Variants in KANK1 observed in about 807,000 individuals in gnomAD.
KANK1 encodes KN motif and ankyrin repeat domain-containing protein 1.
A neutral mutation model predicts 106.2 loss-of-function variants in KANK1; 109 were observed. The observed-to-expected ratio is 1.03, with a 90% CI of 0.88 to 1.20. The LOEUF (loss-of-function observed/expected upper bound fraction) is 1.20, where lower values mean the gene tolerates loss of function less well. Among genes scored for constraint, KANK1 ranks in the 50% most tolerant of loss-of-function variants. The probability of loss-of-function intolerance (pLI) is 0.00; values close to 1 mark genes in which losing one functional copy is unlikely to be tolerated. For synonymous variants in KANK1, 873 were observed against 652.2 expected, an observed-to-expected ratio of 1.34 and a Z score of -5.16; for missense variants, 2,399 against 1,710.7, an observed-to-expected ratio of 1.40 and a Z score of -7.10.
At chr9:655,648 G>A (rs952531149) in intron 1 of KANK1, among the ~76,000 whole-genome samples, 1 of 152,128 alleles carries the variant, frequency 6.6e-6, no homozygotes, top group African/African-American at 2.4e-5. Flanking sequence ...GAGTAGTGAG[G>A]TGGTTAGAAA....
chr9:723,745 T>TG (rs1829960520), intron 3 of KANK1, among the ~76,000 whole-genome samples: 1 of 152,162 alleles, frequency 6.6e-6, no homozygotes, highest in East Asian at 1.9e-4. Context: ...TAGCAACCAA[T>TG]GGAAATACAT....
intron 1 of KANK1, among the ~76,000 whole-genome samples, chr9:635,137 C>T (rs961960524): frequency 1.5e-4 from 23 of 152,144 alleles, no homozygotes; most frequent in African/African-American, 5.1e-4. Flanking sequence ...GAGTCAACCA[C>T]CAGGACTACA....
Position 742,372 on chromosome 9 carries a change from C to T in KANK1, c.3864C>T (p.Ala1288=). ...GHVEIVKLLL[A]QPGCNGHLED... is the part of the protein sequence containing the mutation. ...TGGAGATTGTCAAGCTGCTGCTGGC[C>T]CAGCCCGGCTGCAACGGTCACCTAG... Residue 1288 remains alanine (A), a synonymous_variant, in exon 10 of 12, where the codon GCC becomes GCT. Transcript: ENST00000382297. The T allele has an allele frequency of 6.2e-7, 1 of 1,613,934 alleles. No homozygotes were observed. The highest frequency in any genetic ancestry group is 8.5e-7 in the Non-Finnish European group (1 of 1,179,934).
At chr9:547,934 A>G (rs2061032894) in intron 1 of KANK1, among the ~76,000 whole-genome samples, 1 of 152,212 alleles carries the variant, frequency 6.6e-6, no homozygotes, top group South Asian at 2.1e-4. Flanking sequence ...GAAGCCTGAG[A>G]TCATCTGACT....
At chr9:529,667 G>A (rs1330098198) in intron 1 of KANK1, among the ~76,000 whole-genome samples, 1 of 152,100 alleles carries the variant, frequency 6.6e-6, no homozygotes, top group Non-Finnish European at 1.5e-5. Flanking sequence ...ATTTTAAAGA[G>A]CAGCATAGTA....
At chr9:556,474 CTTATAA>C (rs1005530078) in intron 1 of KANK1, among the ~76,000 whole-genome samples, 1 of 152,134 alleles carries the variant, frequency 6.6e-6, no homozygotes, top group African/African-American at 2.4e-5. Context: ...TCATTTTAAA[CTTATAA>C]TTATTAAAGT....
intron 1 of KANK1, among the ~76,000 whole-genome samples, chr9:514,927 T>A (rs779904700): frequency 2.0e-5 from 3 of 151,800 alleles, no homozygotes; most frequent in Non-Finnish European, 2.9e-5. Flanking sequence ...CTTGTTATTG[T>A]CTGTTGTCTT....
At chr9:662,479 A>T (rs1291736520) in intron 1 of KANK1, among the ~76,000 whole-genome samples, 1 of 152,132 alleles carries the variant, frequency 6.6e-6, no homozygotes, top group Non-Finnish European at 1.5e-5. Context: ...CAAAACAGAG[A>T]TAGACACTAA....
At chr9:486,098 A>G (rs2058289890) in intron 3 of KANK1, among the ~76,000 whole-genome samples, 2 of 152,160 alleles carry the variant, frequency 1.3e-5, no homozygotes. Context: ...ATTTTTGACC[A>G]GACTCTAAAG....
At chr9:537,825 T>C (rs975110232) in intron 1 of KANK1, among the ~76,000 whole-genome samples, 1 of 152,218 alleles carries the variant, frequency 6.6e-6, no homozygotes, top group African/African-American at 2.4e-5. Context: ...AGTTATAGAA[T>C]GTCAGTAGTG....
intron 1 of KANK1, among the ~76,000 whole-genome samples, chr9:622,545 C>A (rs1986564): frequency 0.76 from 115,052 of 152,102 alleles, 44,014 homozygotes; most frequent in African/African-American, 0.88. Context: ...GGATATCCAC[C>A]TGCCAAAAAA....
At chr9:741,076 C>T (rs985058068) in intron 9 of KANK1, 142 bp downstream of exon 9, 6 of 825,852 alleles carry the variant, frequency 7.3e-6, no homozygotes, top group Non-Finnish European at 1.1e-5. Context: ...AGTCCATACA[C>T]TGCCTGGCAC....
At position 553,377 on chromosome 9, in the gene KANK1, C is replaced by T. The variant is rs954786121; in HGVS notation, c.-84+48623C>T. Among the ~76,000 whole-genome samples the T allele has an allele frequency of 7.2e-5, 11 of 152,102 alleles. 1 individual carries two copies. The highest frequency in any genetic ancestry group is 6.5e-4 in the Admixed American group (10 of 15,276). ...CAGCTTTAAACACCTTTGATTTTCT[C>T]CCTATGATGAGGGGTATACTGTGAT... On this transcript the variant is annotated intron_variant, in intron 1 of 11. Coordinates refer to ENST00000382297, the MANE Select transcript of KANK1 (RefSeq NM_015158.5).
At chr9:694,654 G>C (rs560239959) in intron 2 of KANK1, among the ~76,000 whole-genome samples, 44 of 152,302 alleles carry the variant, frequency 2.9e-4, no homozygotes, top group Middle Eastern at 3.4e-3. Context: ...CTAGCACAAT[G>C]TGCCCTTTAT....
At chr9:611,572 C>T (rs1320849452) in intron 1 of KANK1, among the ~76,000 whole-genome samples, 2 of 152,292 alleles carry the variant, frequency 1.3e-5, no homozygotes, top group East Asian at 1.9e-4. Context: ...ATAGGTATGT[C>T]GATCCCATTA....
intron 1 of KANK1, among the ~76,000 whole-genome samples, chr9:528,446 C>T (rs548204898): frequency 2.0e-5 from 3 of 147,772 alleles, no homozygotes; most frequent in Non-Finnish European, 4.5e-5. Flanking sequence ...ACCTTACAAC[C>T]ATTTTACTGA....
At chr9:579,710 A>G (rs1821532086) in intron 1 of KANK1, among the ~76,000 whole-genome samples, 1 of 152,170 alleles carries the variant, frequency 6.6e-6, no homozygotes, top group African/African-American at 2.4e-5. Context: ...CCCAGTCAGA[A>G]GACCCCAAAG....
chr9:630,673 G>A (rs1200883314), intron 1 of KANK1, among the ~76,000 whole-genome samples: 13 of 152,078 alleles, frequency 8.5e-5, no homozygotes, highest in Non-Finnish European at 1.3e-4. Flanking sequence ...AGGCCAAGGC[G>A]GTCAGATCAC....
intron 10 of KANK1, among the ~76,000 whole-genome samples, chr9:743,299 C>T (rs1057508365): frequency 1.3e-5 from 2 of 152,154 alleles, no homozygotes; most frequent in Non-Finnish European, 2.9e-5. Context: ...CGGAGTTTTT[C>T]ACTGGTATGA....
Sources: allele counts gnomAD v4.1 joint callset (sites outside exome capture counted in the v4.1 genomes callset), GRCh38; gene constraint gnomAD v4.1.1; transcripts MANE v1.5; gene names NCBI Gene and HGNC (gene_info 2026-07-23, HGNC 2026-07-21).